PEX5L: variants seen among roughly 807,000 people sequenced by gnomAD.
PEX5L encodes peroxisomal biogenesis factor 5 like.
Under a neutral mutation model 84.0 loss-of-function variants are expected in PEX5L, and 30 were observed. The ratio of observed to expected loss-of-function variants is 0.36; its 90% CI spans 0.27 to 0.48. PEX5L has a LOEUF of 0.48. PEX5L is among the 20% of genes least tolerant of loss of function. PEX5L has a pLI of 0.99. For missense variants in PEX5L, 533 were observed against 754.6 expected, an observed-to-expected ratio of 0.71 and a Z score of 3.44; for synonymous variants, 270 against 283.1, an observed-to-expected ratio of 0.95 and a Z score of 0.46.
At chr3:179,926,993 A>G (rs538444214) in intron 2 of PEX5L, among the ~76,000 whole-genome samples, 25 of 152,300 alleles carry the variant, frequency 1.6e-4, no homozygotes, top group Non-Finnish European at 2.9e-4. Flanking sequence ...ATGTCCTTGG[A>G]ATTTTTAAGC....
chr3:179,910,532 A>C (rs11709733), intron 2 of PEX5L, among the ~76,000 whole-genome samples: 38,135 of 152,232 alleles, frequency 0.25, 5,694 homozygotes, highest in Non-Finnish European at 0.33. Context: ...CAAATTAAAA[A>C]AAGAACATTT....
Position 179,889,694 on chromosome 3 carries a change from C to T in PEX5L, c.199-1910G>A, listed in dbSNP as rs573959234. 3.3e-5 allele frequency among the ~76,000 whole-genome samples: 5 copies of T among 152,218 alleles called. No homozygotes were observed. In the South Asian group the frequency reaches 6.2e-4, roughly 19 times the overall value. ...ATGCTGCTTTGACTCATGAGTGAAA[C>T]TCTGAGCCCCAGTGCTTTTTATTTT... On this transcript the variant is annotated intron_variant, in intron 3 of 14. Transcript: ENST00000467460.
intron 1 of PEX5L, among the ~76,000 whole-genome samples, chr3:180,030,042 A>G (rs904375537): frequency 1.3e-5 from 2 of 152,030 alleles, no homozygotes; most frequent in Non-Finnish European, 2.9e-5. Context: ...ACTGTTTCTG[A>G]TCACTTTTCA....
chr3:179,911,401 T>C (rs990378624), intron 2 of PEX5L, among the ~76,000 whole-genome samples: 1 of 152,242 alleles, frequency 6.6e-6, no homozygotes, highest in East Asian at 1.9e-4. Flanking sequence ...AATACTTTCT[T>C]GTGTGATCTC....
At chr3:179,811,768 C>A (rs201911243) in intron 11 of PEX5L, 33 bp downstream of exon 11, 9 of 1,464,738 alleles carry the variant, frequency 6.1e-6, no homozygotes, top group Non-Finnish European at 8.6e-6. Context: ...AAGTATCCAC[C>A]AGGCCCATGA....
intron 6 of PEX5L, among the ~76,000 whole-genome samples, chr3:179,874,728 TTTTTTTTTTG>T (rs763427448): frequency 0.014 from 863 of 60,590 alleles, 12 homozygotes; most frequent in African/African-American, 0.018. Context: ...AAATTATGGT[TTTTTTTTTTG>T]TTTTTTTTTT....
intron 1 of PEX5L, among the ~76,000 whole-genome samples, chr3:179,996,758 A>G (rs1164176201): frequency 1.3e-5 from 2 of 152,212 alleles, no homozygotes; most frequent in Non-Finnish European, 2.9e-5. Flanking sequence ...ATTGGATTGC[A>G]AGGTGGCAGG....
At chr3:179,839,498 T>C (rs1052559552) in intron 8 of PEX5L, among the ~76,000 whole-genome samples, 2 of 152,184 alleles carry the variant, frequency 1.3e-5, no homozygotes, top group African/African-American at 2.4e-5. Flanking sequence ...AAATGTCCAA[T>C]TGAGCGCTAG....
chr3:179,837,515 C>T (rs1162783733), intron 8 of PEX5L, among the ~76,000 whole-genome samples: 1 of 152,200 alleles, frequency 6.6e-6, no homozygotes, highest in East Asian at 1.9e-4. Context: ...TCCATTATGT[C>T]ATCATGCCAT....
In PEX5L at chr3:179,797,605, A is replaced by AAAATATAT. The variant is rs1553807980; in HGVS notation, c.*4222_*4223insATATATTT. The AAAATATAT allele has an allele frequency of 1.1e-5, 1 of 89,174 alleles. No individual in the cohort carries two copies. Among genetic ancestry groups the AAAATATAT allele is most frequent in the East Asian group, 3.7e-4 (1 of 2,722 alleles). 5.5% of individuals were successfully genotyped at this position (89,174 alleles called of 1,614,324 possible). A position where few individuals can be genotyped will look rare whatever the true frequency, so the allele number is the denominator to read the frequency against. ...AACACTCTTTAAAAAAAAAAAAAAA[A>AAAATATAT]ATATATATATATATATATATATATA... On this transcript the variant is annotated 3_prime_UTR_variant, in exon 15 of 15. Coordinates refer to ENST00000467460, the MANE Select transcript of PEX5L (RefSeq NM_016559.3).
intron 2 of PEX5L, among the ~76,000 whole-genome samples, chr3:179,936,133 T>A (rs1302737657): frequency 5.3e-5 from 8 of 152,310 alleles, no homozygotes; most frequent in African/African-American, 1.9e-4. Context: ...GTATGTTGTA[T>A]GTGTGTTTCT....
intron 8 of PEX5L, among the ~76,000 whole-genome samples, chr3:179,852,713 T>G (rs1031731007): frequency 5.3e-5 from 8 of 152,180 alleles, no homozygotes; most frequent in African/African-American, 1.9e-4. Context: ...TACATCCTCA[T>G]TTTTTCTCAT....
chr3:179,967,304 C>A (rs1783582294), intron 2 of PEX5L, among the ~76,000 whole-genome samples: 1 of 152,076 alleles, frequency 6.6e-6, no homozygotes, highest in Admixed American at 6.6e-5. Flanking sequence ...AGTTGGGCAA[C>A]TTAATTCACT....
At chr3:179,952,277 T>C (rs1779293074) in intron 2 of PEX5L, among the ~76,000 whole-genome samples, 1 of 152,222 alleles carries the variant, frequency 6.6e-6, no homozygotes, top group Admixed American at 6.5e-5. Context: ...CTGAATTTTA[T>C]TTCTATTCTA....
intron 1 of PEX5L, among the ~76,000 whole-genome samples, chr3:180,031,849 T>C (rs1416445600): frequency 1.1e-4 from 17 of 152,226 alleles, no homozygotes; most frequent in Admixed American, 1.1e-3. Context: ...GTTAACAAGT[T>C]GTGTTTTAAC....
intron 1 of PEX5L, among the ~76,000 whole-genome samples, chr3:179,982,894 T>C (rs1255672057): frequency 1.3e-5 from 2 of 152,096 alleles, no homozygotes; most frequent in East Asian, 3.9e-4. Flanking sequence ...GAAAAGCCTT[T>C]TTAAATGATC....
intron 8 of PEX5L, among the ~76,000 whole-genome samples, chr3:179,851,655 C>G (rs1012898884): frequency 3.9e-5 from 6 of 152,120 alleles, no homozygotes; most frequent in African/African-American, 9.7e-5. Flanking sequence ...GGGTTGTGCC[C>G]TCTGCAATAG....
chr3:179,920,666 A>G (rs904515909), intron 2 of PEX5L, among the ~76,000 whole-genome samples: 1 of 152,320 alleles, frequency 6.6e-6, no homozygotes, highest in Non-Finnish European at 1.5e-5. Flanking sequence ...GGTAGAATAC[A>G]TATCTATTCT....
In PEX5L at chr3:179,909,021, A is replaced by G. The variant is rs560731636; in HGVS notation, c.94-10775T>C. Among the ~76,000 whole-genome samples the G allele has an allele frequency of 2.2e-4, 33 of 152,274 alleles. 1 individual carries two copies. In the South Asian group the frequency reaches 6.4e-3, roughly 30 times the overall value. ...GTAGGTACTGAAATATGAATTGACT[A>G]TGAACTATGACTGCTAAGCTCATGG... is the stretch of plus-strand genomic sequence containing the variant. On this transcript the variant is annotated intron_variant, in intron 2 of 14. Transcript: ENST00000467460.
Sources: allele counts gnomAD v4.1 joint callset (sites outside exome capture counted in the v4.1 genomes callset), GRCh38; gene constraint gnomAD v4.1.1; transcripts MANE v1.5; gene names NCBI Gene and HGNC (gene_info 2026-07-23, HGNC 2026-07-21).